CDH12: variants seen among roughly 807,000 people sequenced by gnomAD.
CDH12 encodes cadherin-12.
In CDH12, 41 loss-of-function variants were observed where a neutral mutation model predicts 74.1. The ratio of observed to expected loss-of-function variants is 0.55; its 90% CI spans 0.43 to 0.72. CDH12 has a LOEUF of 0.72. Ranked by LOEUF, CDH12 falls within the 30% of genes least tolerant of loss-of-function variation. CDH12 has a pLI of 0.00. For missense variants in CDH12, 945 were observed against 977.2 expected (o/e 0.97, Z 0.44); for synonymous variants, 399 against 355.0 (o/e 1.12, Z -1.39).
intron 1 of CDH12, among the ~76,000 whole-genome samples, chr5:22,629,188 C>A (rs1738451892): frequency 6.6e-6 from 1 of 151,982 alleles, no homozygotes; most frequent in African/African-American, 2.4e-5. Context: ...GAGCTGGTAT[C>A]ATTTCTACTA....
At chr5:22,476,868 G>T (rs1746190652) in intron 2 of CDH12, among the ~76,000 whole-genome samples, 1 of 152,082 alleles carries the variant, frequency 6.6e-6, no homozygotes, top group Non-Finnish European at 1.5e-5. Context: ...AAACTACAGA[G>T]TCCCAATCAC....
At chr5:21,933,279 C>G (rs997916455) in intron 6 of CDH12, among the ~76,000 whole-genome samples, 1 of 151,722 alleles carries the variant, frequency 6.6e-6, no homozygotes, top group African/African-American at 2.4e-5. Context: ...CTTTTTTATA[C>G]GTTGAAATTA....
chr5:22,320,610 T>G (rs1356255521), intron 3 of CDH12, among the ~76,000 whole-genome samples: 2 of 152,146 alleles, frequency 1.3e-5, no homozygotes, highest in African/African-American at 4.8e-5. Flanking sequence ...AAACCAACAT[T>G]TATTTACTGA....
In CDH12 at chr5:22,315,016, C is replaced by T. The variant is rs1222340117; in HGVS notation, c.-333+90241G>A. Among the ~76,000 whole-genome samples the T allele has an allele frequency of 3.0e-5, 3 of 101,468 alleles. No homozygotes were observed. The Admixed American group carries it at 3.7e-4, about 13-fold the overall frequency. 66.6% of individuals were successfully genotyped at this position (101,468 alleles called of 152,430 possible). A position where few individuals can be genotyped will look rare whatever the true frequency, so the allele number is the denominator to read the frequency against. ...TCACCCAGGCTGGAGTGCAGTGGCG[C>T]GATCTAGGCTCACTGCAAGCTCCGC... On this transcript the variant is annotated intron_variant, in intron 3 of 14. Coordinates refer to ENST00000382254, the MANE Select transcript of CDH12 (RefSeq NM_004061.5).
At chr5:22,471,248 C>A (rs2126605746) in intron 2 of CDH12, among the ~76,000 whole-genome samples, 1 of 152,294 alleles carries the variant, frequency 6.6e-6, no homozygotes, top group African/African-American at 2.4e-5. Flanking sequence ...CTGCCAACAA[C>A]CAATCGACAA....
At chr5:22,581,167 T>A (rs1420031846) in intron 1 of CDH12, among the ~76,000 whole-genome samples, 1 of 152,204 alleles carries the variant, frequency 6.6e-6, no homozygotes, top group Non-Finnish European at 1.5e-5. Flanking sequence ...CCAGGGCATG[T>A]CAGAGGTCTT....
chr5:21,796,947 C>G (rs1320862850), intron 10 of CDH12, among the ~76,000 whole-genome samples: 1 of 152,048 alleles, frequency 6.6e-6, no homozygotes, highest in African/African-American at 2.4e-5. Flanking sequence ...TTTCTGTGAA[C>G]TATATAATAG....
At chr5:22,331,696 G>T (rs1739358782) in intron 3 of CDH12, among the ~76,000 whole-genome samples, 1 of 152,118 alleles carries the variant, frequency 6.6e-6, no homozygotes, top group African/African-American at 2.4e-5. Context: ...GAGAAACAGA[G>T]ATATATAACA....
At chr5:22,753,873 C>G (rs910027137) in intron 1 of CDH12, among the ~76,000 whole-genome samples, 1 of 151,866 alleles carries the variant, frequency 6.6e-6, no homozygotes. Flanking sequence ...TAACAAAAAC[C>G]AAAGAAATAA....
At chr5:22,751,450 T>C (rs550301154) in intron 1 of CDH12, among the ~76,000 whole-genome samples, 131 of 151,628 alleles carry the variant, frequency 8.6e-4, no homozygotes, top group African/African-American at 3.1e-3. Context: ...AAAAGTCTTC[T>C]ATTTCCATGA....
chr5:21,840,897 A>T (rs1422185191), intron 8 of CDH12, among the ~76,000 whole-genome samples: 4 of 152,168 alleles, frequency 2.6e-5, no homozygotes, highest in Non-Finnish European at 5.9e-5. Flanking sequence ...CTAAAACCAT[A>T]AAAACCCTAG....
At chr5:22,189,976 G>A (rs1393697062) in intron 4 of CDH12, among the ~76,000 whole-genome samples, 2 of 151,906 alleles carry the variant, frequency 1.3e-5, no homozygotes, top group Non-Finnish European at 2.9e-5. Context: ...GGCAACAGAT[G>A]CCTCTCAGTT....
intron 4 of CDH12, among the ~76,000 whole-genome samples, chr5:22,140,600 A>G (rs980153468): frequency 1.4e-4 from 21 of 152,300 alleles, no homozygotes; most frequent in African/African-American, 4.8e-4. Flanking sequence ...AAATATTGAC[A>G]CATTTCTTTA....
chr5:22,310,174 C>G (rs780915551), intron 3 of CDH12, among the ~76,000 whole-genome samples: 1 of 151,556 alleles, frequency 6.6e-6, no homozygotes, highest in Non-Finnish European at 1.5e-5. Context: ...ACAACAACAA[C>G]AACAGGCCAA....
intron 4 of CDH12, among the ~76,000 whole-genome samples, chr5:22,159,429 G>A (rs1262128036): frequency 1.3e-5 from 2 of 152,190 alleles, no homozygotes; most frequent in East Asian, 3.9e-4. Flanking sequence ...GTTTTGTAGT[G>A]TGGCAGCATG....
intron 5 of CDH12, among the ~76,000 whole-genome samples, chr5:21,982,490 T>G (rs968659046): frequency 4.6e-5 from 7 of 151,708 alleles, no homozygotes; most frequent in Admixed American, 2.6e-4. Context: ...GAGAGATATA[T>G]CTATATAGAT....
At chr5:21,883,920 C>T (rs2150036225) in intron 6 of CDH12, 2 of 1,608,696 alleles carry the variant, frequency 1.2e-6, no homozygotes, top group Non-Finnish European at 1.7e-6. Context: ...GGGTTTTGCC[C>T]TCCTTCGATG....
At chr5:22,311,104 C>T (rs761919069) in intron 3 of CDH12, among the ~76,000 whole-genome samples, 1 of 152,064 alleles carries the variant, frequency 6.6e-6, no homozygotes, top group East Asian at 1.9e-4. Context: ...ATCTGAAATT[C>T]TTTCTGTTAC....
chr5:22,370,467 T>C (rs116382691), intron 3 of CDH12, among the ~76,000 whole-genome samples: 1,825 of 152,294 alleles, frequency 0.012, 38 homozygotes, highest in African/African-American at 0.041. Context: ...ATAAATTATT[T>C]AAATCATGTA....
Sources: allele counts gnomAD v4.1 joint callset (sites outside exome capture counted in the v4.1 genomes callset), GRCh38; gene constraint gnomAD v4.1.1; transcripts MANE v1.5; gene names NCBI Gene and HGNC (gene_info 2026-07-23, HGNC 2026-07-21).